Variants in SNX31 observed in about 807,000 individuals in gnomAD.
The protein encoded by SNX31 is sorting nexin 31, also known as sorting nexin-31.
In SNX31, 58 loss-of-function variants were observed where a neutral mutation model predicts 65.4. That is an observed-to-expected ratio of 0.89 (90% CI 0.72 to 1.10). The LOEUF is 1.10. SNX31 is among the 50% of genes least tolerant of loss of function. The pLI, the probability that SNX31 is intolerant of heterozygous loss-of-function variation, is 0.00. For synonymous variants in SNX31, 181 were observed against 190.1 expected (o/e 0.95, Z 0.39); for missense variants, 523 against 529.7 (o/e 0.99, Z 0.12).
chr8:100,638,045 C>T (rs980718267), intron 2 of SNX31, among the ~76,000 whole-genome samples: 1 of 152,138 alleles, frequency 6.6e-6, no homozygotes, highest in Non-Finnish European at 1.5e-5. Context: ...TCATGCACAC[C>T]TGTAGTCCCA....
At chr8:100,621,699 C>T (rs1817708585) in intron 4 of SNX31, among the ~76,000 whole-genome samples, 1 of 152,212 alleles carries the variant, frequency 6.6e-6, no homozygotes, top group African/African-American at 2.4e-5. Context: ...TAAATGCAAA[C>T]CTAAAAATGT....
At chr8:100,655,979 G>T (rs1430257514) in intron 1 of SNX31, among the ~76,000 whole-genome samples, 1 of 152,186 alleles carries the variant, frequency 6.6e-6, no homozygotes, top group East Asian at 1.9e-4. Context: ...GTCTTGTAAA[G>T]TGCTCCTCAA....
chr8:100,619,650 A>T (rs1051821804), intron 4 of SNX31, among the ~76,000 whole-genome samples: 2 of 152,180 alleles, frequency 1.3e-5, no homozygotes, highest in African/African-American at 4.8e-5. Context: ...CTGGGGGTGG[A>T]TTGTTCCTTG....
Position 100,614,819 on chromosome 8 carries a change from C to T in SNX31, c.433-1734G>A, listed in dbSNP as rs1817030554. Among the ~76,000 whole-genome samples, 1 of 152,110 alleles carries T rather than the reference C, an allele frequency of 6.6e-6. No homozygotes were observed. Among genetic ancestry groups the T allele is most frequent in the Non-Finnish European group, 1.5e-5 (1 of 68,022 alleles). ...GCTTGAACCTGGGAGGCAGAGGTTG[C>T]AGTGAGCCAAGATTGTACCATTGCA... On this transcript the variant is annotated intron_variant, in intron 5 of 13. Transcript: ENST00000311812. This position sits in a 1 kb window ranked among gnomAD's most constrained non-coding sequence, Gnocchi z 5.1.
In SNX31 at chr8:100,622,939, C is replaced by T. The variant is rs753355542; in HGVS notation, c.322-5209G>A. Among the ~76,000 whole-genome samples the T allele has an allele frequency of 2.0e-5, 3 of 152,186 alleles. No individual in the cohort carries two copies. Among genetic ancestry groups the T allele is most frequent in the Non-Finnish European group, 4.4e-5 (3 of 68,038 alleles). ...GCGCCACCCAACCTGCTGCCATTGG[C>T]CAGGATGGACAAATCAGTTGGCAGC... On this transcript the variant is annotated intron_variant, in intron 4 of 13. Coordinates refer to ENST00000311812, the MANE Select transcript of SNX31 (RefSeq NM_152628.4). The surrounding 1 kb of genome is among the most constrained non-coding windows in gnomAD (Gnocchi z 5.0).
At chr8:100,597,247 C>CA (rs2130911232) in intron 9 of SNX31, among the ~76,000 whole-genome samples, 1 of 145,038 alleles carries the variant, frequency 6.9e-6, no homozygotes, top group South Asian at 2.2e-4. Context: ...TGTACATTGG[C>CA]TTTTTTTTTT....
intron 2 of SNX31, among the ~76,000 whole-genome samples, chr8:100,649,057 C>A (rs1244840342): frequency 6.6e-6 from 1 of 152,234 alleles, no homozygotes. Flanking sequence ...GTTCCCTCAT[C>A]TCACAGCTGT....
rs761944071 is a variant in SNX31, at chr8:100,609,387, A to T, written c.612-824T>A. Among the ~76,000 whole-genome samples the T allele has an allele frequency of 8.9e-4, 135 of 152,222 alleles. No homozygotes were observed. Among genetic ancestry groups the T allele is most frequent in the Non-Finnish European group, 1.5e-3 (99 of 68,012 alleles). On this transcript the variant is annotated intron_variant, in intron 7 of 13. Coordinates refer to ENST00000311812, the MANE Select transcript of SNX31 (RefSeq NM_152628.4). This position sits in a 1 kb window ranked among gnomAD's most constrained non-coding sequence, Gnocchi z 4.9. ...TGAGTTTATTCCAATTGCCACTCTGATTAAGTTTTCTTGACACCATCTGTG... is the reference window on the plus strand; with the variant it reads ...TGAGTTTATTCCAATTGCCACTCTGTTTAAGTTTTCTTGACACCATCTGTG...
intron 5 of SNX31, among the ~76,000 whole-genome samples, chr8:100,615,131 C>T (rs940258174): frequency 6.6e-6 from 1 of 152,198 alleles, no homozygotes; most frequent in African/African-American, 2.4e-5. Context: ...TAGGGTAGAA[C>T]CTCCAGTTAA....
intron 2 of SNX31, among the ~76,000 whole-genome samples, chr8:100,642,001 C>T (rs1467806117): frequency 6.6e-6 from 1 of 151,948 alleles, no homozygotes; most frequent in East Asian, 1.9e-4. Flanking sequence ...ATGGCGCGAA[C>T]CCGGGAGGCG....
At chr8:100,611,908 C>T in intron 7 of SNX31, 92 bp downstream of exon 7, 3 of 968,738 alleles carry the variant, frequency 3.1e-6, no homozygotes, top group South Asian at 2.9e-5. Context: ...AGCTGTCAGG[C>T]TATGAGCAGG....
chr8:100,616,273 G>T (rs756360380), intron 5 of SNX31, among the ~76,000 whole-genome samples: 21 of 152,172 alleles, frequency 1.4e-4, no homozygotes, highest in Non-Finnish European at 2.8e-4. Flanking sequence ...TTCAGCTGCA[G>T]GCATGTCTAG....
chr8:100,626,068 A>T lies in SNX31; in HGVS notation c.321+4259T>A, dbSNP rs1413057768. On this transcript the variant is annotated intron_variant, in intron 4 of 13. Transcript: ENST00000311812. This position sits in a 1 kb window ranked among gnomAD's most constrained non-coding sequence, Gnocchi z 4.4. Reference sequence around the variant, plus strand: ...ATGGAGAAACCCCATCTCTACTAAAATACAAAAATTAACTGGGTGTGGTGG... The same window carrying T: ...ATGGAGAAACCCCATCTCTACTAAATTACAAAAATTAACTGGGTGTGGTGG... Among the ~76,000 whole-genome samples the T allele has an allele frequency of 3.9e-5, 6 of 152,168 alleles. No individual in the cohort carries two copies. Among genetic ancestry groups the T allele is most frequent in the Non-Finnish European group, 7.4e-5 (5 of 68,024 alleles).
chr8:100,639,511 G>C (rs192624173), intron 2 of SNX31, among the ~76,000 whole-genome samples: 1 of 151,624 alleles, frequency 6.6e-6, no homozygotes, highest in South Asian at 2.1e-4. Flanking sequence ...TGGGAGTCAG[G>C]TTTCCAACTG....
Position 100,613,698 on chromosome 8 carries a change from T to C in SNX31, c.433-613A>G, listed in dbSNP as rs948423110. Among the ~76,000 whole-genome samples the C allele has an allele frequency of 1.6e-4, 24 of 152,194 alleles. No individual in the cohort carries two copies. Among genetic ancestry groups the C allele is most frequent in the African/African-American group, 5.5e-4 (23 of 41,450 alleles). On this transcript the variant is annotated intron_variant, in intron 5 of 13. Transcript: ENST00000311812. The surrounding 1 kb of genome is among the most constrained non-coding windows in gnomAD (Gnocchi z 5.2). Reference sequence around the variant, plus strand: ...TTCCTTCACATTCCTCTTTGACTTATATCAAACAGCTTTCATTTCAACGCC... The same window carrying C: ...TTCCTTCACATTCCTCTTTGACTTACATCAAACAGCTTTCATTTCAACGCC...
In SNX31 at chr8:100,649,360, C is replaced by T. The variant is rs1819870901; in HGVS notation, c.67-12G>A. The T allele has an allele frequency of 1.9e-6, 3 of 1,613,476 alleles. No individual in the cohort carries two copies. The South Asian group carries it at 3.3e-5, about 18-fold the overall frequency. On this transcript the variant is annotated splice_polypyrimidine_tract_variant and intron_variant, in intron 1 of 13. Transcript: ENST00000311812. The stretch of plus-strand genomic sequence containing the variant: ...TGCACGGAGTACAGCTGCAAACACA[C>T]AGACACCCCGTCCCTGGTGAGCCGA...
At chr8:100,616,543 G>A (rs1055507210) in intron 5 of SNX31, among the ~76,000 whole-genome samples, 2 of 152,180 alleles carry the variant, frequency 1.3e-5, no homozygotes, top group African/African-American at 4.8e-5. Context: ...CAAGCATCAA[G>A]GGCTTTTGAT....
At chr8:100,579,068 A>T (rs1813287683) in intron 12 of SNX31, among the ~76,000 whole-genome samples, 1 of 152,078 alleles carries the variant, frequency 6.6e-6, no homozygotes, top group Non-Finnish European at 1.5e-5. Flanking sequence ...AAAATGAGAA[A>T]TTAACACTCT....
chr8:100,579,825 A>T (rs1408032417), intron 12 of SNX31, among the ~76,000 whole-genome samples: 1 of 152,200 alleles, frequency 6.6e-6, no homozygotes, highest in Non-Finnish European at 1.5e-5. Context: ...TAAGAAAAAC[A>T]AAGGGAAAAT....
Sources: gnomAD v4.1 joint callset for allele counts (sites outside exome capture counted in the v4.1 genomes callset) on GRCh38, gnomAD v4.1.1 for gene constraint, Gnocchi (gnomAD v3.1) non-coding constraint, MANE v1.5 for transcripts, NCBI Gene and HGNC (gene_info 2026-07-23, HGNC 2026-07-21) for gene names.